DIAPH2: variants seen among roughly 807,000 people sequenced by gnomAD.
The protein encoded by DIAPH2 is protein diaphanous homolog 2.
A neutral mutation model predicts 92.7 loss-of-function variants in DIAPH2; 35 were observed. The observed-to-expected ratio is 0.38, with a 90% confidence interval of 0.29 to 0.50. DIAPH2 has a LOEUF of 0.50. DIAPH2 is among the 20% of genes least tolerant of loss of function. The probability of loss-of-function intolerance (pLI) is 0.94; values close to 1 mark genes in which losing one functional copy is unlikely to be tolerated. For synonymous variants in DIAPH2, 301 were observed against 280.4 expected (o/e 1.07, Z -0.73); for missense variants, 701 against 819.5 (o/e 0.86, Z 1.77).
intron 17 of DIAPH2, among the ~76,000 whole-genome samples, chrX:96,991,537 G>GTCTT (rs760118984): frequency 1.9e-4 from 11 of 56,876 alleles, no homozygotes; most frequent in African/African-American, 7.0e-4. Context: ...CTGTTTTATG[G>GTCTT]TGTTTTTTTT....
Position 97,231,212 on chromosome X carries a change from A to G in DIAPH2, c.2720-16503A>G, listed in dbSNP as rs775892726. On this transcript the variant is annotated intron_variant, in intron 22 of 26. Transcript: ENST00000324765. ...AATTGTTTACTGGGCTTTTTTGGAT[A>G]CATTCTGAGGCATATTAATTCTTTC... Among the ~76,000 whole-genome samples the G allele has an allele frequency of 4.0e-3, 426 of 105,666 alleles. 1 individual carries two copies. Among genetic ancestry groups the G allele is most frequent in the African/African-American group, 0.014 (394 of 29,101 alleles). The allele number at this position is 105,666 out of a possible 115,157, so 91.8% of individuals were successfully genotyped here.
intron 17 of DIAPH2, among the ~76,000 whole-genome samples, chrX:97,016,852 C>T (rs1186397466): frequency 8.9e-6 from 1 of 112,588 alleles, no homozygotes. Context: ...TGCCTCAGCT[C>T]ATGCTGCAAG....
At chrX:97,263,556 G>GTTATTTAT (rs201397413) in intron 23 of DIAPH2, among the ~76,000 whole-genome samples, 155 of 98,037 alleles carry the variant, frequency 1.6e-3, no homozygotes, top group African/African-American at 1.6e-3. Context: ...TGTTCCAACT[G>GTTATTTAT]TTATTTATTT....
chrX:97,342,887 G>C (rs2069124193), intron 23 of DIAPH2, among the ~76,000 whole-genome samples: 1 of 111,711 alleles, frequency 9.0e-6, no homozygotes, highest in Non-Finnish European at 1.9e-5. Context: ...TGAATGGCTT[G>C]GTGGGAAAGA....
At chrX:96,700,477 G>A (rs988165529) in intron 1 of DIAPH2, among the ~76,000 whole-genome samples, 1 of 112,170 alleles carries the variant, frequency 8.9e-6, no homozygotes, top group African/African-American at 3.2e-5. Context: ...CCTGGATGCA[G>A]ATGCAGATGC....
intron 26 of DIAPH2, among the ~76,000 whole-genome samples, chrX:97,590,792 A>G (rs2071512097): frequency 8.9e-6 from 1 of 111,990 alleles, no homozygotes; most frequent in Non-Finnish European, 1.9e-5. Flanking sequence ...CTAGGCTTCA[A>G]CAATAGAACC....
intron 3 of DIAPH2, among the ~76,000 whole-genome samples, chrX:96,749,312 C>A (rs1308670606): frequency 2.7e-5 from 3 of 109,738 alleles, no homozygotes; most frequent in Non-Finnish European, 3.8e-5. Context: ...TAGTTTATTT[C>A]TTAATCATAC....
intron 23 of DIAPH2, among the ~76,000 whole-genome samples, chrX:97,338,280 T>TAATGCTTCATATTTGTAAATACTTGTC (rs1434894355): frequency 2.7e-5 from 3 of 112,279 alleles, no homozygotes; most frequent in Non-Finnish European, 5.6e-5. Flanking sequence ...TTATCCTTGT[T>TAATGCTTCATATTTGTAAATACTTGTC]AATGCTTCAT....
chrX:97,316,120 G>A (rs771011610), intron 23 of DIAPH2, among the ~76,000 whole-genome samples: 1 of 111,343 alleles, frequency 9.0e-6, no homozygotes, highest in South Asian at 3.8e-4. Flanking sequence ...CAACTCCTGA[G>A]CCCTTGGGGT....
At chrX:97,225,476 A>G in intron 22 of DIAPH2, among the ~76,000 whole-genome samples, 1 of 111,971 alleles carries the variant, frequency 8.9e-6, no homozygotes. Context: ...TAAGATTTTA[A>G]CATGTATATC....
chrX:97,390,831 C>T (rs2069651890), intron 25 of DIAPH2, among the ~76,000 whole-genome samples: 1 of 111,877 alleles, frequency 8.9e-6, no homozygotes, highest in Non-Finnish European at 1.9e-5. Flanking sequence ...GTCATTGAGA[C>T]CGTAAGATAA....
chrX:97,485,847 C>G (rs1448785275), intron 26 of DIAPH2, among the ~76,000 whole-genome samples: 3 of 110,799 alleles, frequency 2.7e-5, no homozygotes, highest in Non-Finnish European at 5.7e-5. Context: ...CTGATATGAT[C>G]ATGTATTTGT....
At chrX:96,752,064 A>G (rs73250729) in intron 3 of DIAPH2, among the ~76,000 whole-genome samples, 6,652 of 111,917 alleles carry the variant, frequency 0.059, 209 homozygotes, top group Middle Eastern at 0.14. Flanking sequence ...ACCATAAGAA[A>G]TCAGTATGTT....
chrX:97,302,449 T>G (rs1387925215), intron 23 of DIAPH2, among the ~76,000 whole-genome samples: 8 of 109,754 alleles, frequency 7.3e-5, no homozygotes, highest in Non-Finnish European at 1.5e-4. Flanking sequence ...GAGAATTGCT[T>G]GAACTTGGGA....
chrX:97,303,361 A>G (rs138469489), intron 23 of DIAPH2, among the ~76,000 whole-genome samples: 325 of 111,796 alleles, frequency 2.9e-3, no homozygotes, highest in African/African-American at 9.7e-3. Context: ...ACCCAACTAT[A>G]GTTTGTGTAT....
chrX:97,320,392 C>G (rs2068882049), intron 23 of DIAPH2, among the ~76,000 whole-genome samples: 1 of 109,764 alleles, frequency 9.1e-6, no homozygotes, highest in African/African-American at 3.3e-5. Flanking sequence ...CCCAGGCAAA[C>G]TAGAACAAAC....
intron 4 of DIAPH2, among the ~76,000 whole-genome samples, chrX:96,766,848 T>A (rs1010559017): frequency 8.9e-6 from 1 of 112,288 alleles, no homozygotes. Context: ...TGAGCTACCA[T>A]CAGTCTTTAC....
In DIAPH2 at chrX:96,978,628, A is replaced by G. The variant is rs182747389; in HGVS notation, c.2050+13421A>G. Among the ~76,000 whole-genome samples the G allele has an allele frequency of 2.0e-4, 22 of 110,246 alleles. No homozygotes were observed. In the East Asian group the frequency reaches 6.1e-3, roughly 31 times the overall value. The stretch of plus-strand genomic sequence containing the variant: ...TGAAAGAACTTTAACTTTTTATTTT[A>G]TTGTTGTGAATAATATTAATTATTA... On this transcript the variant is annotated intron_variant, in intron 17 of 26. Coordinates refer to ENST00000324765, the MANE Select transcript of DIAPH2 (RefSeq NM_006729.5).
chrX:97,277,971 G>T (rs1474247997), intron 23 of DIAPH2, among the ~76,000 whole-genome samples: 2 of 111,633 alleles, frequency 1.8e-5, no homozygotes, highest in South Asian at 3.8e-4. Context: ...TAAGCCTCCG[G>T]AGTAGCTGGG....
Sources: gnomAD v4.1 joint callset for allele counts (sites outside exome capture counted in the v4.1 genomes callset) on GRCh38, gnomAD v4.1.1 for gene constraint, MANE v1.5 for transcripts, NCBI Gene and HGNC (gene_info 2026-07-23, HGNC 2026-07-21) for gene names.